Variants in VPS45 observed in about 807,000 individuals in gnomAD.
VPS45 encodes vacuolar protein sorting-associated protein 45.
A neutral mutation model predicts 75.9 loss-of-function variants in VPS45; 35 were observed. The ratio of observed to expected loss-of-function variants is 0.46; its 90% CI spans 0.35 to 0.61. VPS45 has a LOEUF of 0.61. Among genes scored for constraint, VPS45 ranks in the 20% least tolerant of loss-of-function variants. The probability of loss-of-function intolerance (pLI) is 0.00; values close to 1 mark genes in which losing one functional copy is unlikely to be tolerated. For synonymous variants in VPS45, 220 were observed against 238.2 expected, an observed-to-expected ratio of 0.92 and a Z score of 0.70; for missense variants, 559 against 685.9, an observed-to-expected ratio of 0.81 and a Z score of 2.07.
intron 14 of VPS45, among the ~76,000 whole-genome samples, chr1:150,125,007 AATTTT>A (rs1360729255): frequency 2.0e-5 from 3 of 151,712 alleles, no homozygotes; most frequent in Non-Finnish European, 4.4e-5. Flanking sequence ...ATGGCTATAT[AATTTT>A]ATTTTTAAGG....
chr1:150,137,856 A>C (rs1196520204), intron 14 of VPS45, among the ~76,000 whole-genome samples: 1 of 132,088 alleles, frequency 7.6e-6, no homozygotes, highest in Non-Finnish European at 1.5e-5. Context: ...TGGAGGTTGC[A>C]GTGAGCCGAG....
intron 7 of VPS45, among the ~76,000 whole-genome samples, chr1:150,080,418 A>C (rs1655643335): frequency 6.6e-6 from 1 of 152,364 alleles, no homozygotes; most frequent in African/African-American, 2.4e-5. Context: ...TGCTGGGATT[A>C]CAGGCATGAG....
At chr1:150,102,297 C>T (rs146047904) in intron 13 of VPS45, among the ~76,000 whole-genome samples, 1 of 149,042 alleles carries the variant, frequency 6.7e-6, no homozygotes, top group Non-Finnish European at 1.5e-5. Context: ...TGCCTGTAAT[C>T]CCAGCACTTC....
intron 14 of VPS45, among the ~76,000 whole-genome samples, chr1:150,117,477 G>A (rs1035902042): frequency 3.3e-5 from 5 of 151,668 alleles, no homozygotes; most frequent in East Asian, 1.9e-4. Context: ...AGCCGAGATC[G>A]CACCACTGCA....
intron 13 of VPS45, among the ~76,000 whole-genome samples, chr1:150,099,569 G>A (rs1435709199): frequency 4.0e-5 from 6 of 150,488 alleles, no homozygotes; most frequent in African/African-American, 1.2e-4. Context: ...AAAATAATAA[G>A]AGCCATCTAT....
At chr1:150,138,900 G>A (rs1571922182) in intron 14 of VPS45, among the ~76,000 whole-genome samples, 1 of 151,396 alleles carries the variant, frequency 6.6e-6, no homozygotes, top group East Asian at 1.9e-4. Context: ...AGTTGCTTAG[G>A]CAAAAAAAAA....
chr1:150,081,268 T>G, intron 7 of VPS45, 74 bp from the exon 8 acceptor site: 1 of 1,415,868 alleles, frequency 7.1e-7, no homozygotes, highest in Non-Finnish European at 9.5e-7. Flanking sequence ...TTATCAGTTT[T>G]TATTTGTTTT....
At chr1:150,094,033 A>G (rs1656488886) in intron 13 of VPS45, among the ~76,000 whole-genome samples, 2 of 152,192 alleles carry the variant, frequency 1.3e-5, no homozygotes, top group African/African-American at 4.8e-5. Flanking sequence ...TGAGGACTGG[A>G]CTTTGCCAAA....
At chr1:150,121,457 G>A (rs144857066) in intron 14 of VPS45, among the ~76,000 whole-genome samples, 1 of 152,236 alleles carries the variant, frequency 6.6e-6, no homozygotes, top group East Asian at 1.9e-4. Flanking sequence ...GGTTTGCAGT[G>A]TACAGACTGT....
In VPS45 at chr1:150,098,898, G is replaced by A. The variant is rs1403883399; in HGVS notation, c.1493+5250G>A. 3.9e-6 allele frequency: 5 copies of A among 1,266,408 alleles called. No homozygotes were observed. In the African/African-American group the frequency reaches 6.2e-5, roughly 16 times the overall value. 78.4% of individuals were successfully genotyped at this position (1,266,408 alleles called of 1,614,324 possible). On this transcript the variant is annotated intron_variant, in intron 13 of 14. Coordinates refer to ENST00000644510, the MANE Select transcript of VPS45 (RefSeq NM_007259.5). The stretch of plus-strand genomic sequence containing the variant: ...GGCAAGCAACTTTTTCATTTGGTGA[G>A]GAAATGGAGCTATATGATCATGCAT...
intron 14 of VPS45, among the ~76,000 whole-genome samples, chr1:150,129,250 T>A (rs1658684871): frequency 6.6e-6 from 1 of 152,214 alleles, no homozygotes; most frequent in Admixed American, 6.5e-5. Context: ...TCTAATAAGA[T>A]GCCTTTTTAA....
chr1:150,140,322 T>C (rs1348146128), intron 14 of VPS45, among the ~76,000 whole-genome samples: 3 of 151,654 alleles, frequency 2.0e-5, no homozygotes, highest in African/African-American at 7.3e-5. Context: ...CAGTATAGCA[T>C]TATAGTTAAG....
At chr1:150,095,741 T>C (rs1315490069) in intron 13 of VPS45, among the ~76,000 whole-genome samples, 1 of 152,122 alleles carries the variant, frequency 6.6e-6, no homozygotes, top group Non-Finnish European at 1.5e-5. Flanking sequence ...GAGCCCTGCT[T>C]GGCTGGAGCA....
chr1:150,071,738 A>G (rs936794769), intron 2 of VPS45, among the ~76,000 whole-genome samples: 10 of 151,616 alleles, frequency 6.6e-5, no homozygotes, highest in South Asian at 4.2e-4. Flanking sequence ...CAGTGAGCCA[A>G]GATTGTGCCA....
chr1:150,142,964 TTTATA>T (rs1211788624), intron 14 of VPS45: 9 of 342,208 alleles, frequency 2.6e-5, no homozygotes, highest in Non-Finnish European at 5.3e-5. Context: ...CCAAATAACT[TTTATA>T]TTATAAAGAA....
At chr1:150,100,510 C>T (rs1014339339) in intron 13 of VPS45, among the ~76,000 whole-genome samples, 20 of 152,040 alleles carry the variant, frequency 1.3e-4, no homozygotes, top group Admixed American at 3.3e-4. Context: ...ACCAAAAAAA[C>T]GCCAAAATAG....
chr1:150,138,538 T>C (rs1659230534), intron 14 of VPS45, among the ~76,000 whole-genome samples: 2 of 152,208 alleles, frequency 1.3e-5, no homozygotes, highest in Admixed American at 1.3e-4. Context: ...GCAGATAATC[T>C]GTTGTTGTGG....
chr1:150,128,273 G>C (rs1452109583), intron 14 of VPS45, among the ~76,000 whole-genome samples: 2 of 147,922 alleles, frequency 1.4e-5, no homozygotes, highest in Non-Finnish European at 3.0e-5. Context: ...CTGCACTCCA[G>C]CCTGGGTAAC....
intron 10 of VPS45, among the ~76,000 whole-genome samples, chr1:150,084,630 T>C (rs1655906122): frequency 6.6e-6 from 1 of 152,154 alleles, no homozygotes; most frequent in Non-Finnish European, 1.5e-5. Context: ...GGCCCTATAT[T>C]CTAAAGCTTA....
Sources: gnomAD v4.1 joint callset for allele counts (sites outside exome capture counted in the v4.1 genomes callset) on GRCh38, gnomAD v4.1.1 for gene constraint, MANE v1.5 for transcripts, NCBI Gene and HGNC (gene_info 2026-07-23, HGNC 2026-07-21) for gene names.